Variants in RPTOR observed in about 807,000 individuals in gnomAD.
The protein encoded by RPTOR is regulatory associated protein of MTOR complex 1.
In RPTOR, 21 loss-of-function variants were observed where a neutral mutation model predicts 169.9. That is an observed-to-expected ratio of 0.12 (90% CI 0.09 to 0.18). RPTOR has a LOEUF of 0.18. Ranked by LOEUF, RPTOR falls within the 10% of genes least tolerant of loss-of-function variation. The probability of loss-of-function intolerance (pLI) is 1.00; values close to 1 mark genes in which losing one functional copy is unlikely to be tolerated. For synonymous variants in RPTOR, 732 were observed against 753.2 expected (o/e 0.97, Z 0.46); for missense variants, 1,133 against 1,855.9 (o/e 0.61, Z 7.16).
At chr17:80,840,947 C>T (rs1481712165) in intron 10 of RPTOR, among the ~76,000 whole-genome samples, 2 of 33,916 alleles carry the variant, frequency 5.9e-5, no homozygotes, top group Non-Finnish European at 1.0e-4. Flanking sequence ...CTCTCTGCAC[C>T]GCAGCTCACA....
At chr17:80,824,303 G>T (rs2067415243) in intron 9 of RPTOR, among the ~76,000 whole-genome samples, 1 of 152,130 alleles carries the variant, frequency 6.6e-6, no homozygotes, top group Non-Finnish European at 1.5e-5. Context: ...CCCTGATAAG[G>T]AGAAAAGGAA....
At chr17:80,741,472 T>G (rs1312367431) in intron 5 of RPTOR, among the ~76,000 whole-genome samples, 1 of 151,926 alleles carries the variant, frequency 6.6e-6, no homozygotes, top group Non-Finnish European at 1.5e-5. Flanking sequence ...GCAAAAGGAG[T>G]TAAAGGCAAC....
intron 17 of RPTOR, among the ~76,000 whole-genome samples, chr17:80,889,241 G>C (rs2672881): frequency 0.47 from 71,876 of 152,100 alleles, 16,954 homozygotes; most frequent in South Asian, 0.55. Flanking sequence ...GAAGAGCAGA[G>C]TTGCCCCTCG....
At chr17:80,579,127 C>G (rs2064992033) in intron 1 of RPTOR, among the ~76,000 whole-genome samples, 1 of 152,178 alleles carries the variant, frequency 6.6e-6, no homozygotes, top group African/African-American at 2.4e-5. Flanking sequence ...CTGTGCTTTG[C>G]CCGAGTTAGG....
At chr17:80,919,493 A>C (rs889007167) in intron 21 of RPTOR, among the ~76,000 whole-genome samples, 11 of 152,240 alleles carry the variant, frequency 7.2e-5, no homozygotes, top group African/African-American at 1.7e-4. Context: ...TGACTGTGTC[A>C]AGATCCAGTG....
intron 20 of RPTOR, among the ~76,000 whole-genome samples, chr17:80,897,898 AAAAACAAAAC>A (rs138897599): frequency 2.6e-5 from 4 of 152,210 alleles, no homozygotes; most frequent in Non-Finnish European, 4.4e-5. Context: ...ATCTCAAAAC[AAAAACAAAAC>A]AAAACAAAAC....
intron 5 of RPTOR, among the ~76,000 whole-genome samples, chr17:80,749,184 G>A (rs2066607629): frequency 1.6e-4 from 1 of 6,214 alleles, no homozygotes; most frequent in Non-Finnish European, 2.8e-4. Flanking sequence ...TTTGGAGGCC[G>A]TGGCGGGAGG....
At chr17:80,632,887 C>T (rs567821175) in intron 2 of RPTOR, among the ~76,000 whole-genome samples, 57 of 152,232 alleles carry the variant, frequency 3.7e-4, no homozygotes, top group Non-Finnish European at 7.1e-4. Flanking sequence ...TCACTGCAGC[C>T]TCAAACTCCT....
At chr17:80,940,834 C>A (rs984204321) in intron 25 of RPTOR, among the ~76,000 whole-genome samples, 15 of 152,196 alleles carry the variant, frequency 9.9e-5, no homozygotes, top group Non-Finnish European at 1.8e-4. Context: ...AGGGGAGGGG[C>A]CGGGTGGGAA....
At chr17:80,784,417 G>A (rs1198747830) in intron 6 of RPTOR, among the ~76,000 whole-genome samples, 2 of 151,608 alleles carry the variant, frequency 1.3e-5, no homozygotes, top group Non-Finnish European at 2.9e-5. Flanking sequence ...TTGAGATGGA[G>A]TTTCACTCTT....
intron 16 of RPTOR, among the ~76,000 whole-genome samples, chr17:80,884,796 T>C (rs2068225675): frequency 1.3e-5 from 2 of 152,226 alleles, no homozygotes; most frequent in African/African-American, 4.8e-5. Flanking sequence ...CTCTGCAGTC[T>C]GAGCTGCCCC....
In RPTOR at chr17:80,957,172, TG is replaced by T. The variant is rs11300882; in HGVS notation, c.3371-449del. Among the ~76,000 whole-genome samples, 2,539 of 37,776 alleles carry T rather than the reference TG, an allele frequency of 0.067. 388 individuals are homozygous for T. The highest frequency in any genetic ancestry group is 0.39 in the African/African-American group (1,892 of 4,806). The allele number at this position is 37,776 out of a possible 152,430, so 24.8% of individuals were successfully genotyped here. ...TAGAATTGTCACCCCGGCCTGGACT[TG>T]GGAGTTCCAGCTTAGAACTGTCACC... On this transcript the variant is annotated intron_variant, in intron 28 of 33. Transcript: ENST00000306801. This position sits in a 1 kb window ranked among gnomAD's most constrained non-coding sequence, Gnocchi z 4.6.
intron 20 of RPTOR, among the ~76,000 whole-genome samples, chr17:80,905,051 C>T (rs906842663): frequency 3.9e-5 from 6 of 152,204 alleles, no homozygotes; most frequent in Admixed American, 6.5e-5. Flanking sequence ...CCACGACGCT[C>T]AGTCCTGCTA....
At chr17:80,874,430 C>T (rs1252297479) in intron 13 of RPTOR, among the ~76,000 whole-genome samples, 1 of 152,186 alleles carries the variant, frequency 6.6e-6, no homozygotes, top group African/African-American at 2.4e-5. Context: ...CTCTTAACCT[C>T]ATGATCCACC....
At position 80,878,493 on chromosome 17, in the gene RPTOR, C is replaced by T. The variant is rs1384715066; in HGVS notation, c.1510-1922C>T. ...TCCCGAGTAGCTGGGACTACAGGCA[C>T]GCACCACCACACCCTGCTAATTTTT... On this transcript the variant is annotated intron_variant, in intron 13 of 33. Transcript: ENST00000306801. The surrounding 1 kb of genome is among the most constrained non-coding windows in gnomAD (Gnocchi z 4.1). Among the ~76,000 whole-genome samples the T allele has an allele frequency of 2.0e-5, 3 of 152,152 alleles. No homozygotes were observed. Among genetic ancestry groups the T allele is most frequent in the East Asian group, 1.9e-4 (1 of 5,168 alleles).
intron 1 of RPTOR, among the ~76,000 whole-genome samples, chr17:80,581,602 C>T (rs1252217072): frequency 6.6e-6 from 1 of 150,482 alleles, no homozygotes; most frequent in Non-Finnish European, 1.5e-5. Flanking sequence ...CAGTGCATGC[C>T]TGCTATTCTC....
Position 80,581,677 on chromosome 17 carries a change from C to T in RPTOR, c.162+35886C>T, listed in dbSNP as rs11650129. 6.3e-4 allele frequency among the ~76,000 whole-genome samples: 94 copies of T among 149,988 alleles called. 1 individual carries two copies. The highest frequency in any genetic ancestry group is 2.2e-3 in the African/African-American group (89 of 40,204). Reference sequence around the variant, plus strand: ...ATTCTCTGCAGTGGAGACTGCACATCGGGCCAGTGCATGCCTGTTATTCTC... The same window carrying T: ...ATTCTCTGCAGTGGAGACTGCACATTGGGCCAGTGCATGCCTGTTATTCTC... On this transcript the variant is annotated intron_variant, in intron 1 of 33. Transcript: ENST00000306801.
chr17:80,942,975 A>G (rs2069052192), intron 25 of RPTOR, among the ~76,000 whole-genome samples: 1 of 152,222 alleles, frequency 6.6e-6, no homozygotes, highest in African/African-American at 2.4e-5. Flanking sequence ...CTGCCGCCGC[A>G]CCAAAGCCTT....
intron 27 of RPTOR, 103 bp from the exon 28 acceptor site, chr17:80,949,340 C>T (rs975413492): frequency 1.0e-6 from 1 of 982,170 alleles, no homozygotes; most frequent in Admixed American, 1.8e-5. Context: ...CGCCCAGGGT[C>T]ACTGCAGCAC....
Sources: allele counts gnomAD v4.1 joint callset (sites outside exome capture counted in the v4.1 genomes callset), GRCh38; gene constraint gnomAD v4.1.1; non-coding constraint Gnocchi (gnomAD v3.1); transcripts MANE v1.5; gene names NCBI Gene and HGNC (gene_info 2026-07-23, HGNC 2026-07-21).